Variants in PRKG1 observed in about 807,000 individuals in gnomAD.
PRKG1 encodes the protein cGMP-dependent protein kinase 1.
In PRKG1, 35 loss-of-function variants were observed where a neutral mutation model predicts 88.1. The ratio of observed to expected loss-of-function variants is 0.40; its 90% CI spans 0.30 to 0.53. The LOEUF (loss-of-function observed/expected upper bound fraction) is 0.53, where lower values mean the gene tolerates loss of function less well. PRKG1 is among the 20% of genes least tolerant of loss of function. The pLI is 0.59. For synonymous variants in PRKG1, 303 were observed against 292.5 expected (o/e 1.04, Z -0.37); for missense variants, 540 against 839.8 (o/e 0.64, Z 4.41).
intron 3 of PRKG1, among the ~76,000 whole-genome samples, chr10:51,750,742 G>A (rs1475692957): frequency 6.6e-6 from 1 of 152,090 alleles, no homozygotes; most frequent in Non-Finnish European, 1.5e-5. Flanking sequence ...TTCCTCCCAC[G>A]AAACATAAAG....
intron 3 of PRKG1, among the ~76,000 whole-genome samples, chr10:51,791,555 T>C (rs1314444458): frequency 6.6e-6 from 1 of 152,108 alleles, no homozygotes; most frequent in East Asian, 1.9e-4. Flanking sequence ...ATTTATTTAA[T>C]CCGAAACATC....
intron 2 of PRKG1, among the ~76,000 whole-genome samples, chr10:51,277,306 G>A (rs1297658839): frequency 1.3e-5 from 2 of 152,142 alleles, no homozygotes; most frequent in South Asian, 2.1e-4. Flanking sequence ...GCTGTGTTCT[G>A]TTCCATTGGT....
At chr10:51,789,184 C>T (rs1712774065) in intron 3 of PRKG1, among the ~76,000 whole-genome samples, 1 of 152,190 alleles carries the variant, frequency 6.6e-6, no homozygotes, top group African/African-American at 2.4e-5. Flanking sequence ...AGATGTAATA[C>T]TCATTTTCCT....
chr10:51,275,415 A>C (rs1840088203), intron 2 of PRKG1, among the ~76,000 whole-genome samples: 1 of 152,168 alleles, frequency 6.6e-6, no homozygotes, highest in Non-Finnish European at 1.5e-5. Flanking sequence ...AAATTGGGAA[A>C]ATCCTAATTT....
chr10:51,809,013 G>A (rs559499475), intron 4 of PRKG1, among the ~76,000 whole-genome samples: 22 of 152,032 alleles, frequency 1.4e-4, no homozygotes, highest in African/African-American at 4.4e-4. Flanking sequence ...GAATAAACAC[G>A]TAAGTTTGGA....
At chr10:51,668,708 G>A (rs1840482311) in intron 3 of PRKG1, among the ~76,000 whole-genome samples, 1 of 151,846 alleles carries the variant, frequency 6.6e-6, no homozygotes, top group Non-Finnish European at 1.5e-5. Context: ...TCAAAATTAG[G>A]ACTGTTTTGT....
At position 52,023,970 on chromosome 10, in the gene PRKG1, G is replaced by C. The variant is rs147037507; in HGVS notation, c.763-30514G>C. ...TGTTGTCATTGCTTTTGGTGGTTTA[G>C]TCATGAAGTCTTTGCCCATGCCTGT... is the stretch of plus-strand genomic sequence containing the variant. On this transcript the variant is annotated intron_variant, in intron 5 of 17. Transcript: ENST00000373980. Among the ~76,000 whole-genome samples the C allele has an allele frequency of 7.1e-3, 1,088 of 152,216 alleles. 21 individuals carry two copies. Among genetic ancestry groups the C allele is most frequent in the African/African-American group, 0.025 (1,038 of 41,524 alleles).
intron 3 of PRKG1, among the ~76,000 whole-genome samples, chr10:51,690,197 G>A (rs923987084): frequency 3.3e-5 from 5 of 152,092 alleles, no homozygotes; most frequent in Non-Finnish European, 5.9e-5. Context: ...TCACTAATAA[G>A]AGGACAGTAC....
chr10:51,777,787 A>G lies in PRKG1; in HGVS notation c.593-26798A>G, dbSNP rs1838479031. Among the ~76,000 whole-genome samples, 4 of 151,890 alleles carry G rather than the reference A, an allele frequency of 2.6e-5. No individual in the cohort carries two copies. The South Asian group carries it at 8.3e-4, about 32-fold the overall frequency. On this transcript the variant is annotated intron_variant, in intron 3 of 17. Transcript: ENST00000373980. ...TGTCTTTTCATCACTCCCAACCTCA[A>G]CCCTTGATTTTTTTACTGTCTCTAT...
chr10:51,567,458 G>A (rs568247495), intron 3 of PRKG1, among the ~76,000 whole-genome samples: 63 of 152,186 alleles, frequency 4.1e-4, no homozygotes, highest in African/African-American at 1.3e-3. Context: ...CAGGGCATTC[G>A]AGGGAGACCA....
intron 14 of PRKG1, among the ~76,000 whole-genome samples, chr10:52,285,664 AG>A (rs1842102421): frequency 1.3e-5 from 2 of 152,258 alleles, no homozygotes; most frequent in East Asian, 3.9e-4. Flanking sequence ...GAAATATAGG[AG>A]GAAGTGTTTA....
At chr10:52,274,196 G>A (rs1326913066) in intron 12 of PRKG1, among the ~76,000 whole-genome samples, 3 of 152,136 alleles carry the variant, frequency 2.0e-5, no homozygotes, top group African/African-American at 7.2e-5. Flanking sequence ...CTTTAGTGGT[G>A]ATTTGTGAGA....
At chr10:52,165,098 T>C (rs1838397427) in intron 9 of PRKG1, among the ~76,000 whole-genome samples, 1 of 152,192 alleles carries the variant, frequency 6.6e-6, no homozygotes, top group South Asian at 2.1e-4. Context: ...AGGCTGATAA[T>C]ATGACCTTTA....
chr10:52,121,583 T>C (rs1847820465), intron 7 of PRKG1, among the ~76,000 whole-genome samples: 1 of 152,222 alleles, frequency 6.6e-6, no homozygotes, highest in Non-Finnish European at 1.5e-5. Flanking sequence ...GATATTTTAG[T>C]TCATCACTCT....
At chr10:52,267,573 ATTG>A (rs1250867804) in intron 10 of PRKG1, among the ~76,000 whole-genome samples, 1 of 152,080 alleles carries the variant, frequency 6.6e-6, no homozygotes, top group African/African-American at 2.4e-5. Flanking sequence ...AGGAAAAATC[ATTG>A]TTAACGTATT....
Position 51,668,853 on chromosome 10 carries a change from A to C in PRKG1, c.593-135732A>C, listed in dbSNP as rs578171938. 5.9e-5 allele frequency among the ~76,000 whole-genome samples: 9 copies of C among 152,318 alleles called. No homozygotes were observed. The East Asian group carries it at 1.5e-3, about 26-fold the overall frequency. ...ATCTCAATACATCTAAAAGTCTATT[A>C]GTTGTATTTATTTCTTTAAATTTTA... On this transcript the variant is annotated intron_variant, in intron 3 of 17. Coordinates refer to ENST00000373980, the MANE Select transcript of PRKG1 (RefSeq NM_006258.4).
Position 52,100,826 on chromosome 10 carries a change from G to A in PRKG1, c.936-33014G>A, listed in dbSNP as rs552541589. Among the ~76,000 whole-genome samples, 240 of 152,122 alleles carry A rather than the reference G, an allele frequency of 1.6e-3. 1 individual carries two copies. The highest frequency in any genetic ancestry group is 2.8e-3 in the Non-Finnish European group (187 of 67,982). The stretch of plus-strand genomic sequence containing the variant: ...TTTATATCTGCTTTATTACTAACTG[G>A]AGTTTTATGAAAACAAGTAAAGGAT... On this transcript the variant is annotated intron_variant, in intron 7 of 17. Coordinates refer to ENST00000373980, the MANE Select transcript of PRKG1 (RefSeq NM_006258.4).
chr10:51,175,012 A>G (rs773388876), intron 2 of PRKG1, among the ~76,000 whole-genome samples: 3 of 152,010 alleles, frequency 2.0e-5, no homozygotes, highest in Admixed American at 6.6e-5. Context: ...ATGAAAGACA[A>G]TGTAAAAGGA....
intron 2 of PRKG1, among the ~76,000 whole-genome samples, chr10:51,417,379 G>C (rs1480662466): frequency 6.6e-6 from 1 of 152,118 alleles, no homozygotes; most frequent in African/African-American, 2.4e-5. Context: ...GTAGCATTCA[G>C]CCTCTTTATT....
Sources: allele counts gnomAD v4.1 joint callset (sites outside exome capture counted in the v4.1 genomes callset), GRCh38; gene constraint gnomAD v4.1.1; transcripts MANE v1.5; gene names NCBI Gene and HGNC (gene_info 2026-07-23, HGNC 2026-07-21).